Variants in PARP4 observed in about 807,000 individuals in gnomAD.
PARP4 encodes the protein protein mono-ADP-ribosyltransferase PARP4.
Under a neutral mutation model 187.7 loss-of-function variants are expected in PARP4, and 120 were observed. The observed-to-expected ratio is 0.64, with a 90% CI of 0.55 to 0.74. The LOEUF (loss-of-function observed/expected upper bound fraction) is 0.74. PARP4 is among the 30% of genes least tolerant of loss of function. The pLI is 0.00. For missense variants in PARP4, 1,836 were observed against 2,070.5 expected (o/e 0.89, Z 2.20); for synonymous variants, 654 against 740.9 (o/e 0.88, Z 1.90).
intron 2 of PARP4, 22 bp from the exon 3 acceptor site, chr13:24,501,856 C>A (rs749029244): frequency 2.2e-6 from 3 of 1,353,960 alleles, no homozygotes; most frequent in South Asian, 2.4e-5. Flanking sequence ...AAGAGTCAAT[C>A]CATTATGCAT....
At chr13:24,497,944 G>A (rs1869045074) in intron 6 of PARP4, among the ~76,000 whole-genome samples, 172 bp downstream of exon 6, 1 of 152,172 alleles carries the variant, frequency 6.6e-6, no homozygotes. Flanking sequence ...CCAGCTTTTT[G>A]CACTGTGAGA....
intron 1 of PARP4, among the ~76,000 whole-genome samples, chr13:24,511,676 T>C (rs1374030139): frequency 1.3e-5 from 2 of 152,244 alleles, no homozygotes; most frequent in Non-Finnish European, 2.9e-5. Context: ...GCAGTCTTGA[T>C]TCTACAGCCT....
rs9578741 is a variant in PARP4 at position 24,468,992 on chromosome 13, T to A, written c.2133+32A>T. On this transcript the variant is annotated intron_variant, in intron 17 of 33. Transcript: ENST00000381989. The stretch of plus-strand genomic sequence containing the variant: ...TTGTTCTAACTCTCTTTCCCTCTCC[T>A]GTATGCATGCGGCATGCACACCAAG... 4,333 of 1,379,398 alleles carry A rather than the reference T, an allele frequency of 3.1e-3. 105 individuals carry two copies. In the African/African-American group the frequency reaches 0.052, roughly 16 times the overall value. The allele number at this position is 1,379,398 out of a possible 1,614,324, so 85.4% of individuals were successfully genotyped here.
chr13:24,486,862 G>C (rs1015240170), intron 10 of PARP4, among the ~76,000 whole-genome samples: 1 of 151,860 alleles, frequency 6.6e-6, no homozygotes, highest in Non-Finnish European at 1.5e-5. Flanking sequence ...TGAGGCAGGA[G>C]AATCACTTGA....
chr13:24,453,347 T>C (rs1258174816), intron 23 of PARP4, among the ~76,000 whole-genome samples: 2 of 152,196 alleles, frequency 1.3e-5, no homozygotes, highest in African/African-American at 4.8e-5. Context: ...CTCAAAGCTG[T>C]TAATGCTAGT....
chr13:24,490,141 T>TG (rs1416791287), intron 10 of PARP4, among the ~76,000 whole-genome samples: 1 of 152,214 alleles, frequency 6.6e-6, no homozygotes, highest in African/African-American at 2.4e-5. Context: ...TCAGGGGTGC[T>TG]GACACCCAGC....
At chr13:24,471,024 T>C (rs1872710107) in intron 15 of PARP4, among the ~76,000 whole-genome samples, 1 of 152,178 alleles carries the variant, frequency 6.6e-6, no homozygotes, top group Admixed American at 6.5e-5. Context: ...ACGTGCGTCC[T>C]GGAGTTTCTC....
chr13:24,497,668 T>C (rs759977152), intron 6 of PARP4, among the ~76,000 whole-genome samples: 17 of 152,214 alleles, frequency 1.1e-4, no homozygotes, highest in Non-Finnish European at 1.9e-4. Context: ...AAAATGCATA[T>C]GCTGAAGTCC....
At chr13:24,460,255 A>C (rs1209436912) in intron 17 of PARP4, 119 bp from the exon 18 acceptor site, 5 of 828,918 alleles carry the variant, frequency 6.0e-6, no homozygotes, top group Non-Finnish European at 9.5e-6. Context: ...TCCTCAGAAA[A>C]CAGTAATAAA....
intron 30 of PARP4, among the ~76,000 whole-genome samples, chr13:24,440,419 TAAAA>T (rs71070698): frequency 7.9e-6 from 1 of 126,222 alleles, no homozygotes. Flanking sequence ...AAATTAAAAT[TAAAA>T]AAAAAAAAAA....
chr13:24,501,653 T>C lies in PARP4; in HGVS notation c.314A>G (p.Asp105Gly), dbSNP rs780406069. 6.2e-7 allele frequency: 1 copy of C among 1,613,094 alleles called. No homozygotes were observed. The highest frequency in any genetic ancestry group is 8.5e-7 in the Non-Finnish European group (1 of 1,179,116). ...YKPLDITPPP[D>G]QKASSSEVKT... is the part of the protein sequence containing the mutation. ...CCTACCAGAACTGCTCGCCTTCTGA[T>C]CAGGAGGTGGTGTGATGTCCAGGGG... The change falls in exon 3 of 34, where the codon GAT becomes GGT. Residue 105 changes from aspartate to glycine, a missense_variant. Asp to Gly is a moderately conservative substitution (Grantham distance 94, BLOSUM62 -1). Around this residue, in one of 8 missense-constraint regions of PARP4, gnomAD observed 1,147 missense variants for 1,214.2 expected, o/e 0.94. Transcript: ENST00000381989.
At chr13:24,502,255 G>A (rs1869341348) in intron 2 of PARP4, among the ~76,000 whole-genome samples, 1 of 152,148 alleles carries the variant, frequency 6.6e-6, no homozygotes, top group African/African-American at 2.4e-5. Flanking sequence ...ATGTTGACCA[G>A]GCTGGTCTTG....
At chr13:24,462,625 G>A (rs1872263029) in intron 17 of PARP4, among the ~76,000 whole-genome samples, 2 of 152,150 alleles carry the variant, frequency 1.3e-5, no homozygotes, top group Admixed American at 6.5e-5. Context: ...CAACAGACAG[G>A]ACTATGATTA....
chr13:24,473,776 C>T (rs1490891200), intron 15 of PARP4, among the ~76,000 whole-genome samples: 2 of 152,076 alleles, frequency 1.3e-5, no homozygotes, highest in East Asian at 3.9e-4. Flanking sequence ...AATCTCATTG[C>T]TAAATCCAGT....
chr13:24,446,767 A>T lies in PARP4; in HGVS notation c.3286-6T>A. The T allele has an allele frequency of 6.4e-7, 1 of 1,558,392 alleles. No homozygotes were observed. Among genetic ancestry groups the T allele is most frequent in the Non-Finnish European group, 8.9e-7 (1 of 1,129,870 alleles). On this transcript the variant is annotated splice_polypyrimidine_tract_variant and splice_region_variant and intron_variant, in intron 26 of 33. Transcript: ENST00000381989. ...ATTAGTGCACACAGAGTTGCCTGAA[A>T]TGGGGAAAAAAATAAATTCCTCATT...
At chr13:24,481,231 A>G (rs1165941549) in intron 12 of PARP4, among the ~76,000 whole-genome samples, 1 of 152,260 alleles carries the variant, frequency 6.6e-6, no homozygotes, top group Non-Finnish European at 1.5e-5. Flanking sequence ...TGCTCAACAA[A>G]AAAGGTTCTT....
At chr13:24,471,018 G>A (rs1332830384) in intron 15 of PARP4, among the ~76,000 whole-genome samples, 1 of 152,154 alleles carries the variant, frequency 6.6e-6, no homozygotes. Flanking sequence ...AGGCAAACGT[G>A]CGTCCTGGAG....
Position 24,490,727 on chromosome 13 carries a change from A to T in PARP4, c.1155T>A (p.Val385=), listed in dbSNP as rs1434667851. The T allele has an allele frequency of 6.2e-7, 1 of 1,613,968 alleles. No individual in the cohort carries two copies. Among genetic ancestry groups the T allele is most frequent in the Non-Finnish European group, 8.5e-7 (1 of 1,179,952 alleles). Residue 385 remains valine (V), a synonymous_variant, in exon 10 of 34, where the codon GTT becomes GTA. Coordinates refer to ENST00000381989, the MANE Select transcript of PARP4 (RefSeq NM_006437.4). ...TGAGAAATTCTTCAGTATTCTGTTC[A>T]ACATGCTCAATTTTGCACCTCAAAG... is the stretch of plus-strand genomic sequence containing the variant. ...YRALRCKIEH[V]EQNTEEFLRV... is the part of the protein sequence containing the mutation.
Position 24,512,771 on chromosome 13 carries a change from C to G in PARP4, c.-67G>C, listed in dbSNP as rs1030764458. The G allele has an allele frequency of 6.6e-6, 1 of 152,316 alleles. No homozygotes were observed. The highest frequency in any genetic ancestry group is 1.9e-4 in the East Asian group (1 of 5,184). The allele number at this position is 152,316 out of a possible 1,614,324, so 9.4% of individuals were successfully genotyped here. ...CCGCGCTCCTTGCTCGCGGTACTTCCGTAATCTAGGCTCTCCCTGCCCCCG... is the reference window on the plus strand; with the variant it reads ...CCGCGCTCCTTGCTCGCGGTACTTCGGTAATCTAGGCTCTCCCTGCCCCCG... On this transcript the variant is annotated 5_prime_UTR_variant, in exon 1 of 34. Transcript: ENST00000381989.
Sources: gnomAD v4.1 joint callset for allele counts (sites outside exome capture counted in the v4.1 genomes callset) on GRCh38, gnomAD v4.1.1 for gene constraint, gnomAD v4.1.1 regional missense constraint, MANE v1.5 for transcripts, NCBI Gene and HGNC (gene_info 2026-07-23, HGNC 2026-07-21) for gene names.